Variants in CHD7 observed in about 807,000 individuals in gnomAD.
The protein encoded by CHD7 is chromodomain helicase DNA binding protein 7, also known as ATP-dependent chromatin remodeler CHD7.
In CHD7, 24 loss-of-function variants were observed where a neutral mutation model predicts 307.3. That is an observed-to-expected ratio of 0.08 (90% CI 0.06 to 0.11). CHD7 has a LOEUF of 0.11. CHD7 is among the 10% of genes least tolerant of loss of function. CHD7 has a pLI of 1.00. For synonymous variants in CHD7, 1,363 were observed against 1,349.9 expected, an observed-to-expected ratio of 1.01 and a Z score of -0.21; for missense variants, 3,106 against 3,727.1, an observed-to-expected ratio of 0.83 and a Z score of 4.34.
intron 3 of CHD7, among the ~76,000 whole-genome samples, chr8:60,794,248 A>G (rs1175631759): frequency 1.3e-5 from 2 of 152,190 alleles, no homozygotes; most frequent in Non-Finnish European, 2.9e-5. Context: ...CTTGAAGTTT[A>G]TGTCTTTTGT....
intron 2 of CHD7, among the ~76,000 whole-genome samples, chr8:60,777,437 G>T (rs1463002771): frequency 6.6e-6 from 1 of 152,186 alleles, no homozygotes; most frequent in African/African-American, 2.4e-5. Context: ...AGCTTTTTAA[G>T]CCAGAAAATG....
chr8:60,695,793 C>T (rs184448574), intron 1 of CHD7, among the ~76,000 whole-genome samples: 1 of 152,230 alleles, frequency 6.6e-6, no homozygotes, highest in Non-Finnish European at 1.5e-5. Context: ...TGATATACTT[C>T]TCCTCATTAA....
At chr8:60,765,550 T>C (rs1259799237) in intron 2 of CHD7, among the ~76,000 whole-genome samples, 1 of 152,190 alleles carries the variant, frequency 6.6e-6, no homozygotes, top group African/African-American at 2.4e-5. Flanking sequence ...GGAATTAACT[T>C]GGAGAAGAGA....
In CHD7 at chr8:60,733,315, A is replaced by G. The variant is rs1444397745; in HGVS notation, c.-174-7944A>G. On this transcript the variant is annotated intron_variant, in intron 1 of 37. Coordinates refer to ENST00000423902, the MANE Select transcript of CHD7 (RefSeq NM_017780.4). Reference sequence around the variant, plus strand: ...TGTGATCTACACCTAGGTATGGTATATATAGATACATGTTTGTCTTCATTT... The same window carrying G: ...TGTGATCTACACCTAGGTATGGTATGTATAGATACATGTTTGTCTTCATTT... Among the ~76,000 whole-genome samples, 5 of 151,750 alleles carry G rather than the reference A, an allele frequency of 3.3e-5. No individual in the cohort carries two copies. The East Asian group carries it at 9.6e-4, about 29-fold the overall frequency.
Position 60,755,983 on chromosome 8 carries a change from A to G in CHD7, c.1665+12886A>G, listed in dbSNP as rs574445182. On this transcript the variant is annotated intron_variant, in intron 2 of 37. Transcript: ENST00000423902. ...AAATGTTCTATATTTGCTCAGTCCAATATGGTAGCCACTAGCCACAAATGG... is the reference window on the plus strand; with the variant it reads ...AAATGTTCTATATTTGCTCAGTCCAGTATGGTAGCCACTAGCCACAAATGG... Among the ~76,000 whole-genome samples the G allele has an allele frequency of 1.3e-4, 20 of 152,368 alleles. 1 individual carries two copies. In the South Asian group the frequency reaches 1.9e-3, roughly 14 times the overall value.
chr8:60,693,649 T>A (rs547355512), intron 1 of CHD7, among the ~76,000 whole-genome samples: 1 of 152,354 alleles, frequency 6.6e-6, no homozygotes. Flanking sequence ...GGTGAGTTAT[T>A]CTGGCCTCCC....
At chr8:60,823,720 T>C in intron 12 of CHD7, 120 bp from the exon 13 acceptor site, 1 of 828,300 alleles carries the variant, frequency 1.2e-6, no homozygotes, top group Non-Finnish European at 1.9e-6. Context: ...AGAATGTATG[T>C]CACCTAAAAT....
chr8:60,822,769 C>G, intron 12 of CHD7, 23 bp downstream of exon 12: 14 of 1,585,506 alleles, frequency 8.8e-6, no homozygotes, highest in Non-Finnish European at 1.1e-5. Flanking sequence ...AGGTTGTATT[C>G]TTTGTACTTA....
At chr8:60,764,834 A>G (rs1438223288) in intron 2 of CHD7, among the ~76,000 whole-genome samples, 3 of 152,228 alleles carry the variant, frequency 2.0e-5, no homozygotes, top group African/African-American at 4.8e-5. Context: ...GAAAGGGGTG[A>G]TGAAGGAGAA....
chr8:60,742,668 A>C lies in CHD7; in HGVS notation c.1236A>C (p.Gln412His), dbSNP rs753472856. 2 of 1,610,506 alleles carry C rather than the reference A, an allele frequency of 1.2e-6. No individual in the cohort carries two copies. Among genetic ancestry groups the C allele is most frequent in the African/African-American group, 1.3e-5 (1 of 74,864 alleles). ...ATCCAGCAGGCACTCCTCCTCCACA[A>C]GTCAGGCCGGGAAGTGCTGGGATAC... ...MSNPAGTPPP[Q>H]VRPGSAGIPM... Residue 412 changes from glutamine (Q) to histidine (H), a missense_variant, in exon 2 of 38, where the codon CAA becomes CAC. Gln to His is a conservative substitution (Grantham distance 24). Coordinates refer to ENST00000423902, the MANE Select transcript of CHD7 (RefSeq NM_017780.4).
At chr8:60,764,142 C>G (rs1276732292) in intron 2 of CHD7, among the ~76,000 whole-genome samples, 2 of 152,108 alleles carry the variant, frequency 1.3e-5, no homozygotes, top group Non-Finnish European at 1.5e-5. Flanking sequence ...TGCCCGCCAC[C>G]ACGCCCAGAT....
rs1804991326 is a variant in CHD7, at chr8:60,841,893, T to C, written c.4691T>C (p.Leu1564Pro). ...DTPRVRKQTRLYSAVKEDELM... is the reference protein window; with the variant it reads ...DTPRVRKQTRPYSAVKEDELM... The stretch of plus-strand genomic sequence containing the variant: ...CCAAGAGTGAGAAAGCAGACCAGGC[T>C]CTACAGTGCAGTGAAGGAAGATGAG... The change falls in exon 21 of 38, where the codon CTC (leucine) becomes CCC (proline). Residue 1564 changes from leucine (L) to proline (P), a missense_variant. This residue lies in a region of CHD7 where 122 missense variants were observed against 124.5 expected (regional missense o/e 0.98). Coordinates refer to ENST00000423902, the MANE Select transcript of CHD7 (RefSeq NM_017780.4). 2.5e-6 allele frequency: 4 copies of C among 1,610,326 alleles called. No individual in the cohort carries two copies. Among genetic ancestry groups the C allele is most frequent in the Admixed American group, 1.7e-5 (1 of 59,428 alleles).
At chr8:60,779,786 A>G (rs540756057) in intron 2 of CHD7, among the ~76,000 whole-genome samples, 7 of 152,126 alleles carry the variant, frequency 4.6e-5, no homozygotes, top group South Asian at 2.1e-4. Context: ...CTCTGGAGCT[A>G]TTGGCTCTGA....
rs1192088960 is a variant in CHD7 at position 60,854,351 on chromosome 8, C to T, written c.6776-12C>T. 8 of 1,611,720 alleles carry T rather than the reference C, an allele frequency of 5.0e-6. No homozygotes were observed. Among genetic ancestry groups the T allele is most frequent in the Non-Finnish European group, 5.9e-6 (7 of 1,178,676 alleles). ...TGTGGTTGTGAGTAATGCACATTAA[C>T]TCATTTCTCAGCAGGAGCTGTCTCT... On this transcript the variant is annotated splice_polypyrimidine_tract_variant and intron_variant, in intron 31 of 37. Transcript: ENST00000423902.
chr8:60,839,850 A>C (rs770640547), intron 19 of CHD7, among the ~76,000 whole-genome samples: 55 of 152,214 alleles, frequency 3.6e-4, no homozygotes, highest in Non-Finnish European at 6.3e-4. Flanking sequence ...ATGATTGCAG[A>C]TATTTTCTCC....
intron 2 of CHD7, among the ~76,000 whole-genome samples, chr8:60,754,098 A>G (rs1218803316): frequency 1.3e-5 from 2 of 152,064 alleles, no homozygotes; most frequent in Middle Eastern, 3.4e-3. Context: ...TAAGCCTCTC[A>G]CCCCTCCACT....
At position 60,742,554 on chromosome 8, in the gene CHD7, C is replaced by G; in HGVS notation, c.1122C>G (p.Asn374Lys). The stretch of plus-strand genomic sequence containing the variant: ...CCATCCACCCCAGTGGCTCACTTAA[C>G]CAAATGAACACACAAACTATGCATC... ...QQPIHPSGSL[N>K]QMNTQTMHPS... The change falls in exon 2 of 38, where the codon AAC becomes AAG. Residue 374 changes from asparagine to lysine, a missense_variant. This residue lies in a region of CHD7 where 998 missense variants were observed against 1,004.5 expected (regional missense o/e 0.99). Coordinates refer to ENST00000423902, the MANE Select transcript of CHD7 (RefSeq NM_017780.4). The G allele has an allele frequency of 6.2e-7, 1 of 1,613,984 alleles. No homozygotes were observed.
intron 2 of CHD7, among the ~76,000 whole-genome samples, chr8:60,768,661 T>G (rs1460027437): frequency 6.6e-6 from 1 of 152,226 alleles, no homozygotes. Context: ...CAAAAACCTG[T>G]GAGATTGCTC....
At chr8:60,726,727 T>C (rs889442166) in intron 1 of CHD7, among the ~76,000 whole-genome samples, 1 of 152,050 alleles carries the variant, frequency 6.6e-6, no homozygotes, top group Non-Finnish European at 1.5e-5. Flanking sequence ...GCCCAGAGTG[T>C]TTTGTTGGTT....
Sources: allele counts gnomAD v4.1 joint callset (sites outside exome capture counted in the v4.1 genomes callset), GRCh38; gene constraint gnomAD v4.1.1; regional missense constraint gnomAD v4.1.1; transcripts MANE v1.5; gene names NCBI Gene and HGNC (gene_info 2026-07-23, HGNC 2026-07-21).